The following CALN1 variants were observed in gnomAD, a reference collection of about 807,000 sequenced individuals.
CALN1 encodes the protein calneuron 1, also known as calcium-binding protein 8.
CALN1 carries 17 observed loss-of-function variants against 30.6 expected under a neutral mutation model. The observed-to-expected ratio is 0.56, with a 90% CI of 0.38 to 0.83. The LOEUF (loss-of-function observed/expected upper bound fraction) is 0.83. Among genes scored for constraint, CALN1 ranks in the 40% least tolerant of loss-of-function variants. The pLI is 0.00. For synonymous variants in CALN1, 156 were observed against 131.4 expected (o/e 1.19, Z -1.28); for missense variants, 291 against 354.9 (o/e 0.82, Z 1.45).
At chr7:72,153,854 G>A (rs1787452950) in intron 3 of CALN1, among the ~76,000 whole-genome samples, 1 of 152,314 alleles carries the variant, frequency 6.6e-6, no homozygotes, top group East Asian at 1.9e-4. Flanking sequence ...CAGCCTGGGA[G>A]CTGGTCCTGG....
chr7:71,886,746 C>T (rs1483358230), intron 5 of CALN1, among the ~76,000 whole-genome samples: 1 of 144,762 alleles, frequency 6.9e-6, no homozygotes, highest in Non-Finnish European at 1.5e-5. Flanking sequence ...GCACTCCAGC[C>T]TGGACAACAA....
chr7:72,181,100 C>G (rs5012409), intron 3 of CALN1, among the ~76,000 whole-genome samples: 24 of 89,088 alleles, frequency 2.7e-4, no homozygotes, highest in African/African-American at 4.8e-4. Flanking sequence ...TGCATAACCC[C>G]CCCCCCCCCC....
chr7:72,272,593 A>T (rs899340484), intron 3 of CALN1, among the ~76,000 whole-genome samples: 5 of 152,072 alleles, frequency 3.3e-5, no homozygotes, highest in Non-Finnish European at 5.9e-5. Context: ...AAAAAGAAAT[A>T]TTAATTTTGA....
chr7:72,092,518 A>AAAGGAATGT (rs1805936838), intron 4 of CALN1, among the ~76,000 whole-genome samples: 1 of 151,826 alleles, frequency 6.6e-6, no homozygotes, highest in Non-Finnish European at 1.5e-5. Flanking sequence ...GATCAAATGG[A>AAAGGAATGT]AAGGAATGTG....
the CALN1 span, among the ~76,000 whole-genome samples, chr7:72,474,761 T>C: frequency 6.6e-6 from 1 of 151,796 alleles, no homozygotes; most frequent in African/African-American, 2.4e-5. Context: ...GCAGGACATA[T>C]AAAGCCCTGT....
upstream of CALN1, among the ~76,000 whole-genome samples, chr7:72,450,124 T>C (rs1273304945): frequency 7.9e-5 from 12 of 151,978 alleles, 1 homozygote; most frequent in Admixed American, 6.6e-4. Flanking sequence ...GAGGATCACT[T>C]GATCCCAGGA....
intron 5 of CALN1, among the ~76,000 whole-genome samples, chr7:71,916,077 G>A (rs1794675844): frequency 6.6e-6 from 1 of 152,094 alleles, no homozygotes; most frequent in Admixed American, 6.5e-5. Context: ...AATTTCCCTA[G>A]ACATCAATGG....
intron 5 of CALN1, among the ~76,000 whole-genome samples, chr7:71,819,764 T>C (rs1788488143): frequency 6.6e-6 from 1 of 152,230 alleles, no homozygotes; most frequent in Non-Finnish European, 1.5e-5. Flanking sequence ...TGTCTTTTTG[T>C]GACTGGTTTA....
In CALN1 at chr7:72,243,066, G is replaced by A. The variant is rs534158937; in HGVS notation, c.244+35620C>T. Among the ~76,000 whole-genome samples the A allele has an allele frequency of 9.2e-5, 14 of 152,276 alleles. No homozygotes were observed. The East Asian group carries it at 2.5e-3, about 27-fold the overall frequency. On this transcript the variant is annotated intron_variant, in intron 3 of 6. Transcript: ENST00000395275. The stretch of plus-strand genomic sequence containing the variant: ...TAATCCAGATAAAGGGAAGTGATGC[G>A]GAGTGAATGCTTGAAGCCTTAATTC...
intron 3 of CALN1, among the ~76,000 whole-genome samples, chr7:72,119,314 TTA>T (rs386714581): frequency 1.0e-4 from 15 of 150,542 alleles, no homozygotes; most frequent in African/African-American, 3.7e-4. Flanking sequence ...GAGAGAGGAC[TTA>T]TGCAGGGAAA....
At chr7:72,397,871 A>G (rs1422008105) in intron 2 of CALN1, among the ~76,000 whole-genome samples, 1 of 152,160 alleles carries the variant, frequency 6.6e-6, no homozygotes, top group Non-Finnish European at 1.5e-5. Context: ...TAGCCCTTCC[A>G]TTATAAGCCA....
At chr7:72,425,303 A>T (rs985861979) in intron 1 of CALN1, among the ~76,000 whole-genome samples, 1 of 152,098 alleles carries the variant, frequency 6.6e-6, no homozygotes, top group African/African-American at 2.4e-5. Context: ...TAGTAGAGAC[A>T]AGGTTTCACC....
Position 71,957,757 on chromosome 7 carries a change from C to T in CALN1, c.501+65900G>A, listed in dbSNP as rs528465609. Among the ~76,000 whole-genome samples, 42 of 152,086 alleles carry T rather than the reference C, an allele frequency of 2.8e-4. 1 individual carries two copies. In the South Asian group the frequency reaches 8.5e-3, roughly 31 times the overall value. ...TTTAGGCTGGGTGCTGTGGCTCACA[C>T]CTCGCACTAAGAAAGTGCAGGTTTC... On this transcript the variant is annotated intron_variant, in intron 5 of 6. Coordinates refer to ENST00000395275, the MANE Select transcript of CALN1 (RefSeq NM_031468.4).
Position 72,101,150 on chromosome 7 carries a change from G to A in CALN1, c.388+5001C>T, listed in dbSNP as rs1459601291. On this transcript the variant is annotated intron_variant, in intron 4 of 6. Transcript: ENST00000395275. ...GGCTAATTGTTTTGTATTTTTAGTAGAGACAGGATTTCACTATGTTGGTGA... is the reference window on the plus strand; with the variant it reads ...GGCTAATTGTTTTGTATTTTTAGTAAAGACAGGATTTCACTATGTTGGTGA... Among the ~76,000 whole-genome samples the A allele has an allele frequency of 2.0e-5, 3 of 151,928 alleles. No individual in the cohort carries two copies. In the East Asian group the frequency reaches 5.9e-4, roughly 30 times the overall value.
chr7:72,122,519 T>C (rs1294338501), intron 3 of CALN1, among the ~76,000 whole-genome samples: 3 of 152,110 alleles, frequency 2.0e-5, no homozygotes, highest in Non-Finnish European at 4.4e-5. Flanking sequence ...TGAGGATGAC[T>C]TGAGGCCAGG....
At chr7:72,236,669 G>C (rs1006247903) in intron 3 of CALN1, among the ~76,000 whole-genome samples, 22 of 152,194 alleles carry the variant, frequency 1.4e-4, no homozygotes, top group Admixed American at 1.4e-3. Context: ...GATAATTAAT[G>C]GTTGGATTAT....
intron 4 of CALN1, among the ~76,000 whole-genome samples, chr7:72,069,666 C>A (rs1056229870): frequency 6.6e-6 from 1 of 152,096 alleles, no homozygotes; most frequent in Non-Finnish European, 1.5e-5. Context: ...TAATCTCCCC[C>A]CAAATCCTTA....
chr7:72,239,358 C>T (rs1010128406), intron 3 of CALN1, among the ~76,000 whole-genome samples: 11 of 151,964 alleles, frequency 7.2e-5, no homozygotes, highest in African/African-American at 1.2e-4. Flanking sequence ...ATTGCACCAC[C>T]GCACTCCAGC....
upstream of CALN1, among the ~76,000 whole-genome samples, chr7:72,448,745 A>G (rs1383915477): frequency 6.6e-6 from 1 of 151,960 alleles, no homozygotes; most frequent in South Asian, 2.1e-4. Flanking sequence ...AGCTGGGACT[A>G]CAGATGTGCA....
Sources: allele counts gnomAD v4.1 joint callset (sites outside exome capture counted in the v4.1 genomes callset), GRCh38; gene constraint gnomAD v4.1.1; transcripts MANE v1.5; gene names NCBI Gene and HGNC (gene_info 2026-07-23, HGNC 2026-07-21).